The following NDUFC2 variants were observed in gnomAD, a reference collection of about 807,000 sequenced individuals.
NDUFC2 encodes NADH:ubiquinone oxidoreductase subunit C2, also known as NADH dehydrogenase [ubiquinone] 1 subunit C2.
NDUFC2 carries 2 observed loss-of-function variants against 10.1 expected under a neutral mutation model. The ratio of observed to expected loss-of-function variants is 0.20; its 90% CI spans 0.08 to 0.62. The LOEUF is 0.62. Ranked by LOEUF, NDUFC2 falls within the 20% of genes least tolerant of loss-of-function variation. The probability of loss-of-function intolerance (pLI) is 0.87; values close to 1 mark genes in which losing one functional copy is unlikely to be tolerated. For synonymous variants in NDUFC2, 61 were observed against 63.6 expected (o/e 0.96, Z 0.20); for missense variants, 156 against 159.6 (o/e 0.98, Z 0.12).
intron 1 of NDUFC2, among the ~76,000 whole-genome samples, 162 bp downstream of exon 1, chr11:78,079,417 T>C (rs566093731): frequency 2.0e-5 from 3 of 152,270 alleles, no homozygotes; most frequent in African/African-American, 7.2e-5. Flanking sequence ...TGCTTGATTC[T>C]AAAGAGCTAA....
rs1858898936 is a variant in NDUFC2, at chr11:78,069,522, C to G, written c.*465G>C. 3.1e-5 allele frequency: 8 copies of G among 255,176 alleles called. No homozygotes were observed. In the East Asian group the frequency reaches 7.4e-4, roughly 24 times the overall value. The allele number at this position is 255,176 out of a possible 1,614,324, so 15.8% of individuals were successfully genotyped here. A position where few individuals can be genotyped will look rare whatever the true frequency, so the allele number is the denominator to read the frequency against. ...CAAGAGTCACAGAATCCTCCATAATCTGGCTCACTCTAAATTCACTTTGCA... is the reference window on the plus strand; with the variant it reads ...CAAGAGTCACAGAATCCTCCATAATGTGGCTCACTCTAAATTCACTTTGCA... On this transcript the variant is annotated 3_prime_UTR_variant, in exon 3 of 3. Transcript: ENST00000281031.
chr11:78,073,990 G>A (rs764924054), intron 1 of NDUFC2, among the ~76,000 whole-genome samples: 4 of 151,356 alleles, frequency 2.6e-5, no homozygotes, highest in African/African-American at 7.3e-5. Context: ...TCTCACCTCA[G>A]CTTCCCAAGT....
chr11:78,073,321 G>A (rs542581451), intron 1 of NDUFC2, among the ~76,000 whole-genome samples, 180 bp from the exon 2 acceptor site: 1 of 151,842 alleles, frequency 6.6e-6, no homozygotes, highest in East Asian at 1.9e-4. Context: ...GTGAAACCCT[G>A]TCTCTACTAA....
rs576981449 is a variant in NDUFC2 at position 78,069,634 on chromosome 11, A to G, written c.*353T>C. 1.1e-5 allele frequency: 6 copies of G among 542,936 alleles called. No homozygotes were observed. The highest frequency in any genetic ancestry group is 6.2e-5 in the East Asian group (2 of 32,294). 33.6% of individuals were successfully genotyped at this position (542,936 alleles called of 1,614,324 possible). ...CATAGGTCTCTATCACAACTACTCA[A>G]TTCTGCTCTTGCAGCATGGCAGTCG... On this transcript the variant is annotated 3_prime_UTR_variant, in exon 3 of 3. Transcript: ENST00000281031.
chr11:78,072,991 G>A lies in NDUFC2; in HGVS notation c.310+7C>T. On this transcript the variant is annotated splice_region_variant and intron_variant, in intron 2 of 2. Coordinates refer to ENST00000281031, the MANE Select transcript of NDUFC2 (RefSeq NM_004549.6). ...AACACAGATTATCTAAAATTAACTT[G>A]AAATACCTTCTTCAGGAAAATCCTC... The A allele has an allele frequency of 1.2e-6, 2 of 1,608,026 alleles. No homozygotes were observed. The highest frequency in any genetic ancestry group is 1.7e-6 in the Non-Finnish European group (2 of 1,178,852).
intron 1 of NDUFC2, among the ~76,000 whole-genome samples, chr11:78,077,681 G>C (rs599954): frequency 0.22 from 33,303 of 151,976 alleles, 3,770 homozygotes; most frequent in Middle Eastern, 0.31. Context: ...TTAGCTTCCT[G>C]AGTACCTGGG....
chr11:78,077,751 T>A (rs1859313374), intron 1 of NDUFC2, among the ~76,000 whole-genome samples: 1 of 152,062 alleles, frequency 6.6e-6, no homozygotes, highest in Admixed American at 6.6e-5. Flanking sequence ...AGAGACAGGG[T>A]CTCACTATGT....
At position 78,069,279 on chromosome 11, in the gene NDUFC2, C is replaced by CA. The variant is rs1858884660; in HGVS notation, c.*707dup. The CA allele has an allele frequency of 6.6e-6, 1 of 152,498 alleles. No homozygotes were observed. The highest frequency in any genetic ancestry group is 1.5e-5 in the Non-Finnish European group (1 of 68,320). 9.4% of individuals were successfully genotyped at this position (152,498 alleles called of 1,614,324 possible). On this transcript the variant is annotated 3_prime_UTR_variant, in exon 3 of 3. Transcript: ENST00000281031. ...TAATTGCACCAAGCTCCACTGTAGACAGTATTAGCTCCTGAGTCCATTTTC... is the reference window on the plus strand; with the variant it reads ...TAATTGCACCAAGCTCCACTGTAGACAAGTATTAGCTCCTGAGTCCATTTTC...
chr11:78,070,062 T>C (rs773097544), intron 2 of NDUFC2, 26 bp from the exon 3 acceptor site: 2 of 1,440,470 alleles, frequency 1.4e-6, no homozygotes, highest in East Asian at 2.3e-5. Flanking sequence ...TCATAAAAGA[T>C]TTATTTTAAA....
At chr11:78,076,235 A>AG (rs1409861062) in intron 1 of NDUFC2, among the ~76,000 whole-genome samples, 1 of 151,850 alleles carries the variant, frequency 6.6e-6, no homozygotes, top group Non-Finnish European at 1.5e-5. Flanking sequence ...TCCACCTCCC[A>AG]GGTTCAAGCA....
At chr11:78,073,370 T>C (rs1859099187) in intron 1 of NDUFC2, among the ~76,000 whole-genome samples, 1 of 152,044 alleles carries the variant, frequency 6.6e-6, no homozygotes, top group Non-Finnish European at 1.5e-5. Context: ...CGGGTGCCTG[T>C]AGTCTCAGCT....
intron 1 of NDUFC2, among the ~76,000 whole-genome samples, chr11:78,078,687 T>G (rs1859353916): frequency 7.0e-6 from 1 of 142,776 alleles, no homozygotes; most frequent in Admixed American, 7.6e-5. Context: ...CGCTTGTTGT[T>G]AACATCAAGT....
At chr11:78,070,238 G>C (rs1162740032) in intron 2 of NDUFC2, among the ~76,000 whole-genome samples, 2 of 152,116 alleles carry the variant, frequency 1.3e-5, no homozygotes, top group African/African-American at 4.8e-5. Context: ...GAGGTGATTA[G>C]GTCACAAAGG....
At chr11:78,071,560 G>C (rs1247056144) in intron 2 of NDUFC2, among the ~76,000 whole-genome samples, 1 of 151,664 alleles carries the variant, frequency 6.6e-6, no homozygotes, top group Non-Finnish European at 1.5e-5. Flanking sequence ...CAAACCCCTG[G>C]GGAAACCAAA....
intron 1 of NDUFC2, among the ~76,000 whole-genome samples, chr11:78,078,076 G>A (rs1859325263): frequency 6.6e-6 from 1 of 152,156 alleles, no homozygotes; most frequent in African/African-American, 2.4e-5. Context: ...TGATGGGTTG[G>A]GAGCTGACCT....
chr11:78,076,097 T>C (rs1257954823), intron 1 of NDUFC2, among the ~76,000 whole-genome samples: 3 of 152,154 alleles, frequency 2.0e-5, no homozygotes, highest in Admixed American at 2.0e-4. Context: ...ATTGGGACCA[T>C]GTTTTATATT....
chr11:78,074,619 A>C (rs1859162811), intron 1 of NDUFC2, among the ~76,000 whole-genome samples: 1 of 152,180 alleles, frequency 6.6e-6, no homozygotes, highest in African/African-American at 2.4e-5. Context: ...TCTCAAAAAA[A>C]AAAACAAAAA....
chr11:78,075,022 G>A (rs1194386436), intron 1 of NDUFC2, among the ~76,000 whole-genome samples: 2 of 152,104 alleles, frequency 1.3e-5, no homozygotes, highest in African/African-American at 4.8e-5. Flanking sequence ...CTTAGTGGTC[G>A]ACCTCTCACT....
At chr11:78,073,984 A>G (rs1859135459) in intron 1 of NDUFC2, among the ~76,000 whole-genome samples, 1 of 150,742 alleles carries the variant, frequency 6.6e-6, no homozygotes, top group Admixed American at 6.6e-5. Flanking sequence ...CAATCCTCTC[A>G]CCTCAGCTTC....
Sources: allele counts gnomAD v4.1 joint callset (sites outside exome capture counted in the v4.1 genomes callset), GRCh38; gene constraint gnomAD v4.1.1; transcripts MANE v1.5; gene names NCBI Gene and HGNC (gene_info 2026-07-23, HGNC 2026-07-21).